Variants in SNTG1 observed in about 807,000 individuals in gnomAD.
SNTG1 encodes the protein syntrophin gamma 1.
A neutral mutation model predicts 74.7 loss-of-function variants in SNTG1; 39 were observed. That is an observed-to-expected ratio of 0.52 (90% CI 0.40 to 0.68). SNTG1 has a LOEUF of 0.68. Among genes scored for constraint, SNTG1 ranks in the 30% least tolerant of loss-of-function variants. SNTG1 has a pLI of 0.00. For missense variants in SNTG1, 685 were observed against 609.5 expected (o/e 1.12, Z -1.30); for synonymous variants, 254 against 217.1 (o/e 1.17, Z -1.49).
Position 50,394,229 on chromosome 8 carries a change from G to C in SNTG1, c.-10G>C, listed in dbSNP as rs1277474705. On this transcript the variant is annotated 5_prime_UTR_variant, in exon 3 of 19. Coordinates refer to ENST00000642720, the MANE Select transcript of SNTG1 (RefSeq NM_018967.5). ...CTTTTCAGACGACATCCTTTGTGGT[G>C]CCACAGCACATGGATTTCAGAACCG... 1 of 1,612,646 alleles carries C rather than the reference G, an allele frequency of 6.2e-7. No homozygotes were observed. Among genetic ancestry groups the C allele is most frequent in the Admixed American group, 1.7e-5 (1 of 59,880 alleles).
At chr8:50,316,669 A>G (rs1441660360) in intron 2 of SNTG1, among the ~76,000 whole-genome samples, 1 of 152,190 alleles carries the variant, frequency 6.6e-6, no homozygotes, top group African/African-American at 2.4e-5. Flanking sequence ...ATATGTTCCA[A>G]GCAGTCCAGT....
intron 1 of SNTG1, among the ~76,000 whole-genome samples, chr8:49,971,037 G>C (rs1811617999): frequency 6.6e-6 from 1 of 152,148 alleles, no homozygotes; most frequent in Non-Finnish European, 1.5e-5. Context: ...GCATCATCCT[G>C]ATACCAAAGC....
chr8:50,400,208 G>A (rs1369804491), intron 3 of SNTG1, among the ~76,000 whole-genome samples: 1 of 152,182 alleles, frequency 6.6e-6, no homozygotes, highest in African/African-American at 2.4e-5. Context: ...GCCTGGGATA[G>A]CATGCTCCTT....
chr8:50,520,050 G>T (rs762170046), intron 9 of SNTG1, among the ~76,000 whole-genome samples: 10 of 152,122 alleles, frequency 6.6e-5, no homozygotes, highest in Non-Finnish European at 1.3e-4. Context: ...ATACTACAAG[G>T]CTGCAGTAAC....
At chr8:50,788,636 G>A (rs921445140) in intron 18 of SNTG1, among the ~76,000 whole-genome samples, 1 of 151,934 alleles carries the variant, frequency 6.6e-6, no homozygotes, top group African/African-American at 2.4e-5. Context: ...TAAGGAGCAA[G>A]CAGAATGAGG....
intron 17 of SNTG1, among the ~76,000 whole-genome samples, chr8:50,729,302 C>A (rs1291919406): frequency 1.3e-5 from 2 of 152,146 alleles, no homozygotes; most frequent in East Asian, 1.9e-4. Context: ...TAATGTGTAG[C>A]CCTGGATACA....
intron 12 of SNTG1, among the ~76,000 whole-genome samples, chr8:50,570,848 C>A (rs926227503): frequency 1.1e-4 from 17 of 151,828 alleles, no homozygotes; most frequent in African/African-American, 4.1e-4. Flanking sequence ...TTGTGATCTG[C>A]CTGCCTCAGC....
chr8:50,105,120 A>G (rs1190520251), intron 1 of SNTG1, among the ~76,000 whole-genome samples: 1 of 152,048 alleles, frequency 6.6e-6, no homozygotes, highest in African/African-American at 2.4e-5. Flanking sequence ...GCCATATCCT[A>G]CATCCATTCC....
chr8:50,572,379 G>T (rs190695414), intron 12 of SNTG1, among the ~76,000 whole-genome samples: 3 of 152,058 alleles, frequency 2.0e-5, no homozygotes, highest in Admixed American at 2.0e-4. Flanking sequence ...AAGTGATTGC[G>T]ACCTACTTTC....
rs545864477 is a variant in SNTG1, at chr8:50,420,756, G to T, written c.163-17787G>T. Among the ~76,000 whole-genome samples, 4 of 152,166 alleles carry T rather than the reference G, an allele frequency of 2.6e-5. No individual in the cohort carries two copies. In the South Asian group the frequency reaches 8.3e-4, roughly 32 times the overall value. Reference sequence around the variant, plus strand: ...AATAGGGGAAGATAGGCCAGGTGCAGTAGTTCATGCCTGTAATCCCAGCAC... The same window carrying T: ...AATAGGGGAAGATAGGCCAGGTGCATTAGTTCATGCCTGTAATCCCAGCAC... On this transcript the variant is annotated intron_variant, in intron 4 of 18. Transcript: ENST00000642720.
At chr8:50,676,078 T>G (rs2095308521) in intron 15 of SNTG1, among the ~76,000 whole-genome samples, 1 of 152,004 alleles carries the variant, frequency 6.6e-6, no homozygotes, top group East Asian at 1.9e-4. Context: ...TTCCTTCATT[T>G]CAACCTTGGA....
chr8:50,405,137 C>T (rs756524276), intron 4 of SNTG1, among the ~76,000 whole-genome samples: 1 of 152,048 alleles, frequency 6.6e-6, no homozygotes, highest in South Asian at 2.1e-4. Flanking sequence ...GTTTGAGTCA[C>T]CACTTTCAAT....
chr8:50,114,202 A>G lies in SNTG1; in HGVS notation c.-102-58359A>G, dbSNP rs886589652. On this transcript the variant is annotated intron_variant, in intron 1 of 18. Coordinates refer to ENST00000642720, the MANE Select transcript of SNTG1 (RefSeq NM_018967.5). ...TAGAAAATCAAAGGTGCAACTAAAAAGCAGTTGGAATTATTTTAGACAATT... is the reference window on the plus strand; with the variant it reads ...TAGAAAATCAAAGGTGCAACTAAAAGGCAGTTGGAATTATTTTAGACAATT... 1.3e-4 allele frequency among the ~76,000 whole-genome samples: 20 copies of G among 152,280 alleles called. No homozygotes were observed. The South Asian group carries it at 4.1e-3, about 32-fold the overall frequency.
chr8:50,198,248 G>T (rs966247203), intron 2 of SNTG1, among the ~76,000 whole-genome samples: 1 of 152,150 alleles, frequency 6.6e-6, no homozygotes, highest in African/African-American at 2.4e-5. Flanking sequence ...GCAGTCTCCC[G>T]GGTTGAATCC....
intron 1 of SNTG1, among the ~76,000 whole-genome samples, chr8:50,053,972 T>A (rs1378745903): frequency 2.6e-5 from 4 of 152,068 alleles, no homozygotes; most frequent in Admixed American, 6.6e-5. Context: ...AGGGACTGTG[T>A]CAGGCATCTC....
intron 18 of SNTG1, among the ~76,000 whole-genome samples, chr8:50,768,406 T>A (rs1385134592): frequency 6.6e-6 from 1 of 151,968 alleles, no homozygotes; most frequent in Non-Finnish European, 1.5e-5. Context: ...GGATGCTCAG[T>A]TTTTCAAAGC....
Position 50,447,089 on chromosome 8 carries a change from A to C in SNTG1, c.220-2579A>C, listed in dbSNP as rs1210267506. On this transcript the variant is annotated intron_variant, in intron 5 of 18. Coordinates refer to ENST00000642720, the MANE Select transcript of SNTG1 (RefSeq NM_018967.5). The stretch of plus-strand genomic sequence containing the variant: ...GTACCCTGGATAACTGAAACCACAG[A>C]AAGTGAAACACAAATAAGCAGGGGA... Among the ~76,000 whole-genome samples, 4 of 152,340 alleles carry C rather than the reference A, an allele frequency of 2.6e-5. No individual in the cohort carries two copies. In the East Asian group the frequency reaches 7.7e-4, roughly 29 times the overall value.
At chr8:50,570,579 A>ATTG (rs1331550000) in intron 12 of SNTG1, among the ~76,000 whole-genome samples, 31 of 48,498 alleles carry the variant, frequency 6.4e-4, no homozygotes, top group African/African-American at 1.9e-3. Context: ...TATTATTATT[A>ATTG]TTATTATTGT....
At chr8:50,382,102 C>A (rs1239793235) in intron 2 of SNTG1, 1 of 151,700 alleles carries the variant, frequency 6.6e-6, no homozygotes, top group Admixed American at 6.6e-5. Context: ...CAGATGGTGC[C>A]CACCCAGATT....
Sources: allele counts gnomAD v4.1 joint callset (sites outside exome capture counted in the v4.1 genomes callset), GRCh38; gene constraint gnomAD v4.1.1; transcripts MANE v1.5; gene names NCBI Gene and HGNC (gene_info 2026-07-23, HGNC 2026-07-21).